SORBS2: variants seen among roughly 807,000 people sequenced by gnomAD.
SORBS2 encodes sorbin and SH3 domain-containing protein 2.
In SORBS2, 46 loss-of-function variants were observed where a neutral mutation model predicts 97.7. That is an observed-to-expected ratio of 0.47 (90% CI 0.37 to 0.60). The LOEUF (loss-of-function observed/expected upper bound fraction) is 0.60, where lower values mean the gene tolerates loss of function less well. Ranked by LOEUF, SORBS2 falls within the 20% of genes least tolerant of loss-of-function variation. The pLI is 0.00. For missense variants in SORBS2, 1,316 were observed against 1,282.3 expected (o/e 1.03, Z -0.40); for synonymous variants, 476 against 473.4 (o/e 1.01, Z -0.07).
intron 2 of SORBS2, among the ~76,000 whole-genome samples, chr4:185,762,760 C>A (rs2098906320): frequency 6.6e-6 from 1 of 152,120 alleles, no homozygotes; most frequent in Non-Finnish European, 1.5e-5. Context: ...TGTGTCATTT[C>A]TCTCAGTGTG....
chr4:185,799,781 G>A (rs1259812472), intron 1 of SORBS2, among the ~76,000 whole-genome samples: 1 of 152,148 alleles, frequency 6.6e-6, no homozygotes, highest in Non-Finnish European at 1.5e-5. Flanking sequence ...TGCCTTTAAT[G>A]CCTGGGACTA....
chr4:185,924,267 G>T (rs1260528696), intron 1 of SORBS2, among the ~76,000 whole-genome samples: 4 of 152,186 alleles, frequency 2.6e-5, no homozygotes, highest in Admixed American at 2.0e-4. Flanking sequence ...TGAGTGGGTG[G>T]TGTCCATTAG....
In SORBS2 at chr4:185,939,501, T is replaced by A. The variant is rs144977805; in HGVS notation, c.-338+16695A>T. Among the ~76,000 whole-genome samples, 730 of 152,276 alleles carry A rather than the reference T, an allele frequency of 4.8e-3. 6 individuals are homozygous for A. Among genetic ancestry groups the A allele is most frequent in the African/African-American group, 0.013 (547 of 41,558 alleles). On this transcript the variant is annotated intron_variant, in intron 1 of 20. Coordinates refer to the SORBS2 transcript ENST00000284776. ...CAGTTCTCCAAAGAGGTATCTGCAC[T>A]TCCTGTCTCAACTTTCTTTTTTTTT...
chr4:185,638,217 G>A, intron 4 of SORBS2, 55 bp from the exon 15 acceptor site: 1 of 1,066,982 alleles, frequency 9.4e-7, no homozygotes, highest in Non-Finnish European at 1.4e-6. Context: ...CAAAGTGAGG[G>A]AAACGCTGTG....
chr4:185,848,170 C>T lies in SORBS2; in HGVS notation c.-337-72804G>A, dbSNP rs9995912. 2.9e-3 allele frequency among the ~76,000 whole-genome samples: 443 copies of T among 152,168 alleles called. 4 individuals carry two copies. The highest frequency in any genetic ancestry group is 0.01 in the African/African-American group (420 of 41,516). On this transcript the variant is annotated intron_variant, in intron 1 of 20. Coordinates refer to the SORBS2 transcript ENST00000284776. ...GAATGGAGGCAGAGAAGGGGATGCG[C>T]GGTGATGACTTTTTCATAAAGGCCC...
At chr4:185,693,654 G>A (rs139645215) in intron 2 of SORBS2, among the ~76,000 whole-genome samples, 99 of 152,248 alleles carry the variant, frequency 6.5e-4, no homozygotes, top group African/African-American at 2.2e-3. Context: ...GTTTTAAAAC[G>A]GAATGAGGAA....
chr4:185,743,618 C>T (rs1170676776), intron 2 of SORBS2, among the ~76,000 whole-genome samples: 1 of 152,134 alleles, frequency 6.6e-6, no homozygotes, highest in African/African-American at 2.4e-5. Context: ...CATTGCATTC[C>T]CCTCCCCAAC....
intron 2 of SORBS2, among the ~76,000 whole-genome samples, chr4:185,747,761 A>G (rs1478230423): frequency 6.6e-6 from 1 of 152,100 alleles, no homozygotes; most frequent in Non-Finnish European, 1.5e-5. Context: ...GCACTTTGGG[A>G]GGTCGAAGTG....
chr4:185,786,231 T>A (rs1465777824), intron 1 of SORBS2, among the ~76,000 whole-genome samples: 1 of 152,234 alleles, frequency 6.6e-6, no homozygotes, highest in East Asian at 1.9e-4. Flanking sequence ...ATATCTGAGC[T>A]AATCACTTTG....
At chr4:185,868,547 G>A (rs1328258735) in intron 1 of SORBS2, among the ~76,000 whole-genome samples, 2 of 152,084 alleles carry the variant, frequency 1.3e-5, no homozygotes, top group Non-Finnish European at 2.9e-5. Flanking sequence ...GGGAAAAAAC[G>A]AAGACGACAC....
exon 5 of SORBS2, chr4:185,662,210 A>C (rs1376424225): frequency 6.2e-7 from 1 of 1,612,416 alleles, no homozygotes; most frequent in Non-Finnish European, 8.5e-7. Flanking sequence ...GACTCACGGC[A>C]CCTCCTGAGT....
upstream of SORBS2, among the ~76,000 whole-genome samples, chr4:185,658,080 A>G (rs1298038312): frequency 6.6e-6 from 1 of 152,234 alleles, no homozygotes; most frequent in Non-Finnish European, 1.5e-5. Flanking sequence ...AGACAAAGAC[A>G]TGACTGTTGA....
At chr4:185,714,740 A>G (rs1250667284) in intron 2 of SORBS2, among the ~76,000 whole-genome samples, 2 of 152,152 alleles carry the variant, frequency 1.3e-5, no homozygotes, top group African/African-American at 4.8e-5. Context: ...CCTTTATAAA[A>G]CCGTCAGATC....
At chr4:185,656,861 G>A in exon 1 of SORBS2, 1 of 1,313,494 alleles carries the variant, frequency 7.6e-7, no homozygotes, top group Non-Finnish European at 9.7e-7. Flanking sequence ...CTCTCAGCAG[G>A]CACGGCTGAA....
chr4:185,906,385 C>T (rs769028970), intron 1 of SORBS2, among the ~76,000 whole-genome samples: 8 of 152,098 alleles, frequency 5.3e-5, no homozygotes, highest in Non-Finnish European at 1.2e-4. Context: ...ATTTAATATG[C>T]CACTCTATCC....
At chr4:185,780,593 T>A (rs1158445543) in intron 1 of SORBS2, among the ~76,000 whole-genome samples, 1 of 152,244 alleles carries the variant, frequency 6.6e-6, no homozygotes, top group Non-Finnish European at 1.5e-5. Flanking sequence ...GCAACTGCCT[T>A]ACTGACTCTT....
At chr4:185,856,542 T>G (rs2099220626) in intron 1 of SORBS2, among the ~76,000 whole-genome samples, 1 of 152,172 alleles carries the variant, frequency 6.6e-6, no homozygotes, top group African/African-American at 2.4e-5. Flanking sequence ...CATTAAAGCA[T>G]CTCCAGTAAC....
intron 1 of SORBS2, among the ~76,000 whole-genome samples, chr4:185,852,449 C>T (rs2099218441): frequency 6.6e-6 from 1 of 152,160 alleles, no homozygotes; most frequent in Non-Finnish European, 1.5e-5. Context: ...AAATGGAGTC[C>T]ATACTCTGAC....
intron 2 of SORBS2, among the ~76,000 whole-genome samples, chr4:185,727,076 C>T (rs1435948235): frequency 6.6e-6 from 1 of 152,164 alleles, no homozygotes; most frequent in East Asian, 1.9e-4. Context: ...ATCAGAAGCC[C>T]TGGACAGACG....
Sources: allele counts gnomAD v4.1 joint callset (sites outside exome capture counted in the v4.1 genomes callset), GRCh38; gene constraint gnomAD v4.1.1; transcripts MANE v1.5; gene names NCBI Gene and HGNC (gene_info 2026-07-23, HGNC 2026-07-21).